The following LARP1 variants were observed in gnomAD, a reference collection of about 807,000 sequenced individuals.
LARP1 encodes la-related protein 1.
Under a neutral mutation model 122.7 loss-of-function variants are expected in LARP1, and 36 were observed. The observed-to-expected ratio is 0.29, with a 90% CI of 0.22 to 0.39. The LOEUF (loss-of-function observed/expected upper bound fraction) is 0.39, where lower values mean the gene tolerates loss of function less well. Among genes scored for constraint, LARP1 ranks in the 10% least tolerant of loss-of-function variants. The pLI is 1.00. For missense variants in LARP1, 1,040 were observed against 1,403.6 expected (o/e 0.74, Z 4.14); for synonymous variants, 539 against 528.7 (o/e 1.02, Z -0.27).
chr5:154,697,484 A>G (rs1754519740), intron 1 of LARP1, among the ~76,000 whole-genome samples: 1 of 152,240 alleles, frequency 6.6e-6, no homozygotes, highest in South Asian at 2.1e-4. Flanking sequence ...AGCATTATTC[A>G]TAATAGCGAA....
chr5:154,756,428 C>T, intron 1 of LARP1: 1 of 992,216 alleles, frequency 1.0e-6, no homozygotes, highest in South Asian at 4.2e-5. Context: ...CCGCCTGGGC[C>T]GCAGCGGTTA....
At chr5:154,700,099 A>T (rs1465106402) in intron 1 of LARP1, among the ~76,000 whole-genome samples, 2 of 152,198 alleles carry the variant, frequency 1.3e-5, no homozygotes, top group African/African-American at 4.8e-5. Flanking sequence ...GAGGGGAATG[A>T]GGTAACTGCC....
intron 1 of LARP1, among the ~76,000 whole-genome samples, chr5:154,716,214 G>A (rs1755496798): frequency 1.3e-5 from 2 of 152,112 alleles, no homozygotes; most frequent in African/African-American, 4.8e-5. Context: ...CTGCCTCCCG[G>A]GCTCAAGCGA....
intron 1 of LARP1, among the ~76,000 whole-genome samples, chr5:154,691,637 A>C (rs948864420): frequency 2.0e-4 from 31 of 152,178 alleles, no homozygotes; most frequent in Non-Finnish European, 3.4e-4. Context: ...GCACAAGGTC[A>C]GGGAGGATCT....
intron 16 of LARP1, 22 bp from the exon 17 acceptor site, chr5:154,811,225 T>C (rs1410006237): frequency 6.3e-7 from 1 of 1,589,708 alleles, no homozygotes; most frequent in Non-Finnish European, 8.6e-7. Context: ...CTGCCCTGAT[T>C]TCACTGACTT....
intron 1 of LARP1, among the ~76,000 whole-genome samples, chr5:154,772,946 G>T (rs1439932885): frequency 6.7e-6 from 1 of 148,840 alleles, no homozygotes; most frequent in Non-Finnish European, 1.5e-5. Flanking sequence ...CTCCCAAAGT[G>T]CTGGGATTAC....
chr5:154,790,119 C>T (rs533104492), intron 1 of LARP1, among the ~76,000 whole-genome samples: 18 of 152,250 alleles, frequency 1.2e-4, no homozygotes, highest in African/African-American at 3.4e-4. Flanking sequence ...TTTGCATGAT[C>T]GCGCTTTCTG....
intron 1 of LARP1, among the ~76,000 whole-genome samples, chr5:154,759,107 C>G (rs1449496735): frequency 6.6e-6 from 1 of 152,206 alleles, no homozygotes; most frequent in East Asian, 1.9e-4. Context: ...GTTAGCTGTG[C>G]TTCCTTGGGC....
Position 154,802,167 on chromosome 5 carries a change from G to C in LARP1, c.1877G>C (p.Trp626Ser). 6.2e-7 allele frequency: 1 copy of C among 1,614,144 alleles called. No individual in the cohort carries two copies. Among genetic ancestry groups the C allele is most frequent in the Non-Finnish European group, 8.5e-7 (1 of 1,180,032 alleles). ...MDGRKNTFTA[W>S]SDEESDYEID... Reference sequence around the variant, plus strand: ...GGGCGGAAGAACACCTTCACTGCCTGGTCTGATGAGGAATCTGACTATGAG... The same window carrying C: ...GGGCGGAAGAACACCTTCACTGCCTCGTCTGATGAGGAATCTGACTATGAG... Residue 626 changes from tryptophan (W) to serine (S), a missense_variant, in exon 11 of 19, where the codon TGG becomes TCG. Trp to Ser is a radical substitution (Grantham distance 177). This residue lies in a region of LARP1 where 362 missense variants were observed against 533.1 expected (regional missense o/e 0.68). Coordinates refer to ENST00000518297, the MANE Select transcript of LARP1 (RefSeq NM_033551.3). The surrounding 1 kb of genome is among the most constrained non-coding windows in gnomAD (Gnocchi z 5.1).
intron 1 of LARP1, chr5:154,786,436 A>G (rs944464040): frequency 3.7e-5 from 17 of 455,882 alleles, no homozygotes; most frequent in African/African-American, 2.8e-4. Context: ...GCTCCTGGCT[A>G]TGGTCCTCTG....
At chr5:154,811,431 C>T in intron 17 of LARP1, 75 bp downstream of exon 17, 1 of 1,610,060 alleles carries the variant, frequency 6.2e-7, no homozygotes, top group African/African-American at 1.3e-5. Flanking sequence ...CTGGGTCTTT[C>T]TGTGTATTAC....
intron 1 of LARP1, among the ~76,000 whole-genome samples, chr5:154,683,155 C>T (rs1415893829): frequency 1.3e-5 from 2 of 152,200 alleles, no homozygotes; most frequent in Non-Finnish European, 2.9e-5. Context: ...GGGGGACGGG[C>T]GACGGGCCCC....
chr5:154,743,534 C>G (rs1753021929), intron 1 of LARP1, among the ~76,000 whole-genome samples: 1 of 151,904 alleles, frequency 6.6e-6, no homozygotes, highest in African/African-American at 2.4e-5. Context: ...GTCTCGAACT[C>G]CTGACCTCAG....
At chr5:154,683,985 G>A (rs1476511650) in intron 1 of LARP1, among the ~76,000 whole-genome samples, 2 of 152,172 alleles carry the variant, frequency 1.3e-5, no homozygotes, top group Non-Finnish European at 2.9e-5. Flanking sequence ...TGGAACAGTT[G>A]GCCAATCTGG....
At chr5:154,806,475 AT>A (rs1386794399) in intron 15 of LARP1, among the ~76,000 whole-genome samples, 2 of 152,188 alleles carry the variant, frequency 1.3e-5, no homozygotes, top group Non-Finnish European at 2.9e-5. Flanking sequence ...CAGTTTTTAC[AT>A]TTTTAAGGGG....
chr5:154,778,258 T>TAAAAAAAAAA (rs577057003), intron 1 of LARP1, among the ~76,000 whole-genome samples: 47 of 119,688 alleles, frequency 3.9e-4, no homozygotes, highest in African/African-American at 1.4e-3. Flanking sequence ...AGACTCCGTC[T>TAAAAAAAAAA]AAAAAAAAAA....
chr5:154,700,916 G>A (rs12163931), intron 1 of LARP1, among the ~76,000 whole-genome samples: 5,347 of 151,812 alleles, frequency 0.035, 221 homozygotes, highest in Admixed American at 0.1. Flanking sequence ...CCGAAATCAC[G>A]CCACTGCACT....
Position 154,722,224 on chromosome 5 carries a change from C to T in LARP1, c.205+9094C>T, listed in dbSNP as rs184714441. Among the ~76,000 whole-genome samples the T allele has an allele frequency of 1.3e-3, 196 of 152,304 alleles. 1 individual carries two copies. The highest frequency in any genetic ancestry group is 4.6e-3 in the African/African-American group (190 of 41,568). Reference sequence around the variant, plus strand: ...GCATGATCTGCCTTCAGCTTCCCCGCCCTCTCCCTTTTTCCAGCATCCCTA... The same window carrying T: ...GCATGATCTGCCTTCAGCTTCCCCGTCCTCTCCCTTTTTCCAGCATCCCTA... On this transcript the variant is annotated intron_variant, in intron 1 of 18. Coordinates refer to the LARP1 transcript ENST00000336314.
At position 154,800,078 on chromosome 5, in the gene LARP1, A is replaced by C. The variant is rs766428267; in HGVS notation, c.1716+36A>C. 4 of 1,598,040 alleles carry C rather than the reference A, an allele frequency of 2.5e-6. No homozygotes were observed. In the South Asian group the frequency reaches 4.5e-5, roughly 18 times the overall value. The stretch of plus-strand genomic sequence containing the variant: ...CCTTGTCCCTTGCCTTGGTTCTAGC[A>C]CTCTGAGCTAGGGTGCTTGAAGGGG... On this transcript the variant is annotated intron_variant, in intron 10 of 18. Coordinates refer to ENST00000518297, the MANE Select transcript of LARP1 (RefSeq NM_033551.3).
Sources: gnomAD v4.1 joint callset for allele counts (sites outside exome capture counted in the v4.1 genomes callset) on GRCh38, gnomAD v4.1.1 for gene constraint, gnomAD v4.1.1 regional missense constraint, Gnocchi (gnomAD v3.1) non-coding constraint, MANE v1.5 for transcripts, NCBI Gene and HGNC (gene_info 2026-07-23, HGNC 2026-07-21) for gene names.